CSMD3: variants seen among roughly 807,000 people sequenced by gnomAD.
The protein encoded by CSMD3 is CUB and sushi domain-containing protein 3.
CSMD3 carries 177 observed loss-of-function variants against 435.2 expected under a neutral mutation model. That is an observed-to-expected ratio of 0.41 (90% CI 0.36 to 0.46). CSMD3 has a LOEUF of 0.46. CSMD3 is among the 20% of genes least tolerant of loss of function. CSMD3 has a pLI of 0.34. For synonymous variants in CSMD3, 1,656 were observed against 1,520.5 expected (o/e 1.09, Z -2.07); for missense variants, 4,265 against 4,504.6 (o/e 0.95, Z 1.52).
At chr8:113,252,090 T>C (rs1240929424) in intron 3 of CSMD3, among the ~76,000 whole-genome samples, 3 of 152,060 alleles carry the variant, frequency 2.0e-5, no homozygotes, top group Non-Finnish European at 4.4e-5. Flanking sequence ...AAAATTTCCT[T>C]AAAAAATCTG....
At chr8:113,265,718 C>T (rs1025047157) in intron 3 of CSMD3, among the ~76,000 whole-genome samples, 2 of 151,234 alleles carry the variant, frequency 1.3e-5, no homozygotes, top group African/African-American at 4.8e-5. Context: ...GTGTTATTCT[C>T]TAGATTAGGA....
intron 12 of CSMD3, among the ~76,000 whole-genome samples, chr8:112,816,834 A>G (rs2079388899): frequency 6.6e-6 from 1 of 151,582 alleles, no homozygotes; most frequent in African/African-American, 2.4e-5. Flanking sequence ...TAAAAAATTT[A>G]TTTATAAATT....
chr8:112,935,307 A>G (rs1277703618), intron 9 of CSMD3, among the ~76,000 whole-genome samples: 3 of 152,148 alleles, frequency 2.0e-5, no homozygotes, highest in Admixed American at 6.6e-5. Flanking sequence ...GTTTTGTAGT[A>G]TATTCTGAAG....
At chr8:113,351,458 G>T (rs2094189895) in intron 1 of CSMD3, among the ~76,000 whole-genome samples, 1 of 151,928 alleles carries the variant, frequency 6.6e-6, no homozygotes, top group African/African-American at 2.4e-5. Flanking sequence ...ATAATGAAAA[G>T]AATAATTCAA....
intron 14 of CSMD3, among the ~76,000 whole-genome samples, chr8:112,686,486 A>ATTT (rs763068444): frequency 1.4e-5 from 2 of 141,522 alleles, no homozygotes; most frequent in Admixed American, 7.1e-5. Flanking sequence ...TTTTCATTAC[A>ATTT]TTTTTTTTTT....
intron 35 of CSMD3, among the ~76,000 whole-genome samples, chr8:112,395,026 A>G (rs1476858976): frequency 1.3e-5 from 2 of 152,220 alleles, no homozygotes; most frequent in Admixed American, 6.5e-5. Flanking sequence ...TAAACAAGCC[A>G]TATTTGTCTA....
intron 61 of CSMD3, 129 bp downstream of exon 61, chr8:112,263,510 G>C: frequency 1.4e-6 from 1 of 728,718 alleles, no homozygotes; most frequent in Non-Finnish European, 2.4e-6. Flanking sequence ...ATGAAAAGTA[G>C]CTACATTGGT....
chr8:112,427,933 G>C (rs935345636), intron 32 of CSMD3, among the ~76,000 whole-genome samples: 1 of 152,074 alleles, frequency 6.6e-6, no homozygotes, highest in African/African-American at 2.4e-5. Flanking sequence ...CACTTTTATG[G>C]AAGTGATTAA....
intron 13 of CSMD3, among the ~76,000 whole-genome samples, chr8:112,695,572 G>A (rs545472561): frequency 2.4e-4 from 36 of 152,166 alleles, no homozygotes; most frequent in Admixed American, 7.9e-4. Context: ...TGTATTGATG[G>A]GACGTATCTA....
At chr8:113,075,324 C>A (rs898422939) in intron 5 of CSMD3, among the ~76,000 whole-genome samples, 3 of 151,722 alleles carry the variant, frequency 2.0e-5, no homozygotes, top group Non-Finnish European at 3.0e-5. Context: ...CAGAAGAAAT[C>A]ATTTATTTGG....
Position 112,405,208 on chromosome 8 carries a change from A to C in CSMD3, c.5809+1316T>G, listed in dbSNP as rs1452210235. 2.5e-3 allele frequency among the ~76,000 whole-genome samples: 63 copies of C among 24,804 alleles called. 8 individuals carry two copies. The highest frequency in any genetic ancestry group is 4.6e-3 in the East Asian group (5 of 1,092). 16.3% of individuals were successfully genotyped at this position (24,804 alleles called of 152,430 possible). On this transcript the variant is annotated intron_variant, in intron 35 of 70. Transcript: ENST00000297405. ...CAAAAAAAAAAAAAAAAAAAAAAAA[A>C]ACCCCCATATATATATATATATATA...
intron 32 of CSMD3, among the ~76,000 whole-genome samples, chr8:112,433,257 GA>G (rs1417611440): frequency 2.2e-5 from 1 of 44,882 alleles, no homozygotes; most frequent in African/African-American, 1.2e-4. Flanking sequence ...AAATAACAAA[GA>G]AATAATACTT....
chr8:112,800,555 T>C (rs955143655), intron 12 of CSMD3, among the ~76,000 whole-genome samples: 1 of 152,180 alleles, frequency 6.6e-6, no homozygotes, highest in East Asian at 1.9e-4. Context: ...ACAGTACTTG[T>C]CTTTTGAACT....
intron 3 of CSMD3, among the ~76,000 whole-genome samples, chr8:113,187,536 C>G (rs1359803358): frequency 6.6e-6 from 1 of 152,022 alleles, no homozygotes; most frequent in Non-Finnish European, 1.5e-5. Context: ...AACCAACAGG[C>G]AGAGTCTTCA....
chr8:112,779,784 C>T (rs763606687), intron 13 of CSMD3, among the ~76,000 whole-genome samples: 1 of 151,992 alleles, frequency 6.6e-6, no homozygotes, highest in Non-Finnish European at 1.5e-5. Flanking sequence ...ATTTCTTTCT[C>T]ATGTGAGATA....
intron 2 of CSMD3, among the ~76,000 whole-genome samples, chr8:113,286,864 G>C (rs546400626): frequency 6.6e-6 from 1 of 152,002 alleles, no homozygotes; most frequent in East Asian, 1.9e-4. Flanking sequence ...AATAGACATG[G>C]ATGTAAGAGG....
At chr8:113,147,371 CTTACTA>C (rs1321514553) in intron 4 of CSMD3, among the ~76,000 whole-genome samples, 1 of 151,718 alleles carries the variant, frequency 6.6e-6, no homozygotes, top group African/African-American at 2.4e-5. Context: ...AAACTTAAAA[CTTACTA>C]GTTGACTTTG....
At chr8:112,599,283 G>A (rs1347414044) in intron 22 of CSMD3, among the ~76,000 whole-genome samples, 1 of 151,484 alleles carries the variant, frequency 6.6e-6, no homozygotes, top group African/African-American at 2.4e-5. Context: ...CATCACCACT[G>A]GCCATCAGAG....
chr8:113,079,423 CACTTTGATTTTTTTTTCA>C (rs1315083392), intron 5 of CSMD3, among the ~76,000 whole-genome samples: 2 of 151,992 alleles, frequency 1.3e-5, no homozygotes, highest in Non-Finnish European at 2.9e-5. Context: ...CCTAGTATCA[CACTTTGATTTTTTTTTCA>C]ACTCAGCTTC....
Sources: allele counts gnomAD v4.1 joint callset (sites outside exome capture counted in the v4.1 genomes callset), GRCh38; gene constraint gnomAD v4.1.1; transcripts MANE v1.5; gene names NCBI Gene and HGNC (gene_info 2026-07-23, HGNC 2026-07-21).